Variants in HAUS8 observed in about 807,000 individuals in gnomAD.
HAUS8 encodes HAUS augmin like complex subunit 8, also known as HAUS augmin-like complex subunit 8.
A neutral mutation model predicts 42.9 loss-of-function variants in HAUS8; 38 were observed. That is an observed-to-expected ratio of 0.89 (90% CI 0.68 to 1.16). The LOEUF (loss-of-function observed/expected upper bound fraction) is 1.16. Among genes scored for constraint, HAUS8 ranks in the 50% most tolerant of loss-of-function variants. The probability of loss-of-function intolerance (pLI) is 0.00; values close to 1 mark genes in which losing one functional copy is unlikely to be tolerated. For synonymous variants in HAUS8, 199 were observed against 205.8 expected (o/e 0.97, Z 0.28); for missense variants, 494 against 511.6 (o/e 0.97, Z 0.33).
chr19:17,064,445 G>A (rs2057376924), intron 3 of HAUS8, among the ~76,000 whole-genome samples: 1 of 152,198 alleles, frequency 6.6e-6, no homozygotes, highest in Non-Finnish European at 1.5e-5. Flanking sequence ...ACAGTGAGAG[G>A]TCTCACATTA....
intron 4 of HAUS8, 134 bp from the exon 5 acceptor site, chr19:17,060,226 A>T (rs1295271010): frequency 7.6e-5 from 1 of 13,168 alleles, no homozygotes. Flanking sequence ...TGGAAAGGCT[A>T]AAAAAAAAAA....
chr19:17,061,222 C>T (rs2057358870), intron 4 of HAUS8, among the ~76,000 whole-genome samples: 1 of 152,026 alleles, frequency 6.6e-6, no homozygotes. Context: ...CCTCTGCCTC[C>T]CAGGCTCAAG....
At chr19:17,054,188 G>T (rs2057305804) in intron 9 of HAUS8, among the ~76,000 whole-genome samples, 1 of 152,066 alleles carries the variant, frequency 6.6e-6, no homozygotes, top group African/African-American at 2.4e-5. Flanking sequence ...CCCAGAACTG[G>T]GAGGGAATAT....
At chr19:17,061,583 G>A (rs2057361177) in intron 4 of HAUS8, among the ~76,000 whole-genome samples, 1 of 152,204 alleles carries the variant, frequency 6.6e-6, no homozygotes, top group Non-Finnish European at 1.5e-5. Flanking sequence ...TTATGGTGTG[G>A]TTTAAATTAA....
intron 5 of HAUS8, 26 bp downstream of exon 5, chr19:17,059,971 C>T: frequency 6.5e-7 from 1 of 1,538,976 alleles, no homozygotes; most frequent in Non-Finnish European, 9.0e-7. Flanking sequence ...CAGTGAGTGA[C>T]AGAAGGGGTG....
At chr19:17,067,760 C>G (rs1391926884) in intron 3 of HAUS8, among the ~76,000 whole-genome samples, 1 of 152,088 alleles carries the variant, frequency 6.6e-6, no homozygotes, top group Non-Finnish European at 1.5e-5. Flanking sequence ...GTCACAGGGT[C>G]GAGAACCCAC....
chr19:17,056,130 TC>T (rs1005116342), intron 8 of HAUS8, 128 bp from the exon 9 acceptor site: 1 of 912,804 alleles, frequency 1.1e-6, no homozygotes, highest in African/African-American at 1.6e-5. Context: ...GAATCAGAGC[TC>T]AGGAAGTTTC....
At chr19:17,069,200 C>T (rs1355664247) in intron 2 of HAUS8, 114 bp from the exon 3 acceptor site, 1 of 878,410 alleles carries the variant, frequency 1.1e-6, no homozygotes, top group East Asian at 2.6e-5. Flanking sequence ...ACTCAGTGAC[C>T]AGAACAGAGG....
chr19:17,065,584 C>T (rs1216039469), intron 3 of HAUS8, among the ~76,000 whole-genome samples: 1 of 152,050 alleles, frequency 6.6e-6, no homozygotes, highest in African/African-American at 2.4e-5. Flanking sequence ...AATCCCAGCA[C>T]TTTGAGAGGC....
chr19:17,068,421 G>A (rs911778191), intron 3 of HAUS8, among the ~76,000 whole-genome samples: 10 of 152,078 alleles, frequency 6.6e-5, no homozygotes, highest in Admixed American at 2.6e-4. Flanking sequence ...ACTGTGTGCT[G>A]GGCACTGGAT....
At chr19:17,056,592 T>C (rs200834434) in intron 8 of HAUS8, among the ~76,000 whole-genome samples, 2 of 149,798 alleles carry the variant, frequency 1.3e-5, no homozygotes, top group Admixed American at 6.6e-5. Flanking sequence ...CACACACACA[T>C]ACACATATAT....
At chr19:17,058,355 T>C (rs1341490848) in intron 8 of HAUS8, among the ~76,000 whole-genome samples, 194 bp downstream of exon 8, 2 of 152,256 alleles carry the variant, frequency 1.3e-5, no homozygotes, top group African/African-American at 4.8e-5. Flanking sequence ...ATTCACACTT[T>C]ACTTTGTAAC....
intron 8 of HAUS8, among the ~76,000 whole-genome samples, chr19:17,057,482 CTA>C (rs1286221497): frequency 6.6e-6 from 1 of 152,114 alleles, no homozygotes; most frequent in Non-Finnish European, 1.5e-5. Context: ...TAAGGTTCAT[CTA>C]TGAGTTTCTT....
chr19:17,060,558 G>A (rs1256735587), intron 4 of HAUS8, among the ~76,000 whole-genome samples: 2 of 152,148 alleles, frequency 1.3e-5, no homozygotes, highest in East Asian at 3.9e-4. Context: ...ACAGGCACTC[G>A]CCACCATGCT....
intron 1 of HAUS8, 91 bp downstream of exon 1, chr19:17,075,303 A>C (rs2057463938): frequency 1.4e-6 from 2 of 1,439,992 alleles, no homozygotes; most frequent in Non-Finnish European, 2.0e-6. Flanking sequence ...ACCCGAACTC[A>C]CCCCGAGGGT....
At position 17,050,016 on chromosome 19, in the gene HAUS8, T is replaced by C. The variant is rs764813551; in HGVS notation, c.1090A>G (p.Thr364Ala). Residue 364 changes from threonine to alanine, a missense_variant, in exon 11 of 11, where the codon ACG becomes GCG. Transcript: ENST00000253669. ...GGGTTGTCGTCCTCAGACAGGGGCG[T>C]GTTCTTGGGTGCTCCCCCAGATTCT... ...CRESGGAPKN[T>A]PLSEDDNPGA... 8.1e-6 allele frequency: 13 copies of C among 1,608,160 alleles called. No homozygotes were observed. Among genetic ancestry groups the C allele is most frequent in the Non-Finnish European group, 1.0e-5 (12 of 1,177,688 alleles).
intron 5 of HAUS8, 52 bp downstream of exon 5, chr19:17,059,945 G>T: frequency 7.6e-7 from 1 of 1,319,224 alleles, no homozygotes; most frequent in South Asian, 1.2e-5. Flanking sequence ...AGCCCACTGA[G>T]ACCTACTGCA....
At position 17,052,196 on chromosome 19, in the gene HAUS8, G is replaced by A. The variant is rs1299446162; in HGVS notation, c.929+629C>T. The stretch of plus-strand genomic sequence containing the variant: ...TTGCCCAGGCTGGTCTTGAACTCTT[G>A]GCCTAAAGTGATTCTCCCACCTCGG... On this transcript the variant is annotated intron_variant, in intron 10 of 10. Transcript: ENST00000253669. 5 of 151,784 alleles carry A rather than the reference G, an allele frequency of 3.3e-5. No individual in the cohort carries two copies. In the South Asian group the frequency reaches 6.3e-4, roughly 19 times the overall value. 9.4% of individuals were successfully genotyped at this position (151,784 alleles called of 1,614,324 possible). A position where few individuals can be genotyped will look rare whatever the true frequency, so the allele number is the denominator to read the frequency against.
At position 17,052,450 on chromosome 19, in the gene HAUS8, G is replaced by A. The variant is rs62126022; in HGVS notation, c.929+375C>T. On this transcript the variant is annotated intron_variant, in intron 10 of 10. Transcript: ENST00000253669. ...AGGGAAATTAGCTGGGCATGGTGGC[G>A]CACACCTGCAGTCCCAGCTACTGAA... The A allele has an allele frequency of 6.7e-3, 1,179 of 176,572 alleles. 4 individuals carry two copies. The highest frequency in any genetic ancestry group is 0.011 in the Non-Finnish European group (915 of 84,342). The allele number at this position is 176,572 out of a possible 1,614,324, so 10.9% of individuals were successfully genotyped here.
Sources: allele counts gnomAD v4.1 joint callset (sites outside exome capture counted in the v4.1 genomes callset), GRCh38; gene constraint gnomAD v4.1.1; transcripts MANE v1.5; gene names NCBI Gene and HGNC (gene_info 2026-07-23, HGNC 2026-07-21).